The following CPED1 variants were observed in gnomAD, a reference collection of about 807,000 sequenced individuals.
CPED1 encodes the protein cadherin like and PC-esterase domain containing 1.
A neutral mutation model predicts 128.2 loss-of-function variants in CPED1; 114 were observed. The observed-to-expected ratio is 0.89, with a 90% CI of 0.76 to 1.04. CPED1 has a LOEUF of 1.04. Ranked by LOEUF, CPED1 falls within the 50% of genes least tolerant of loss-of-function variation. The pLI, the probability that CPED1 is intolerant of heterozygous loss-of-function variation, is 0.00. For missense variants in CPED1, 1,211 were observed against 1,207.1 expected, an observed-to-expected ratio of 1.00 and a Z score of -0.05; for synonymous variants, 462 against 426.7, an observed-to-expected ratio of 1.08 and a Z score of -1.02.
rs138361335 is a variant in CPED1, at chr7:121,170,480, T to G, written c.2055+28339T>G. Among the ~76,000 whole-genome samples, 1,403 of 152,230 alleles carry G rather than the reference T, an allele frequency of 9.2e-3. 62 individuals are homozygous for G. Among genetic ancestry groups the G allele is most frequent in the Admixed American group, 0.082 (1,259 of 15,280 alleles). On this transcript the variant is annotated intron_variant, in intron 16 of 22. Coordinates refer to ENST00000310396, the MANE Select transcript of CPED1 (RefSeq NM_024913.5). ...TGTTAACTTAATAAATATAATTAAA[T>G]GAACTTACTAGTAATAGACAGAAAA...
chr7:121,007,530 A>T (rs1400126883), intron 2 of CPED1, among the ~76,000 whole-genome samples: 1 of 152,166 alleles, frequency 6.6e-6, no homozygotes, highest in South Asian at 2.1e-4. Context: ...TAAGGCAACT[A>T]AGGCATTACA....
At chr7:121,240,626 TGTG>T (rs937262912) in intron 17 of CPED1, among the ~76,000 whole-genome samples, 1 of 152,042 alleles carries the variant, frequency 6.6e-6, no homozygotes, top group African/African-American at 2.4e-5. Context: ...CTGATTATTT[TGTG>T]GTGACCTAGC....
chr7:121,034,111 A>G (rs1407282146), intron 3 of CPED1, among the ~76,000 whole-genome samples: 3 of 152,196 alleles, frequency 2.0e-5, no homozygotes, highest in East Asian at 3.8e-4. Flanking sequence ...AGAATTTGGC[A>G]TAAGGAATGT....
At chr7:121,234,570 A>G (rs1798211762) in intron 16 of CPED1, among the ~76,000 whole-genome samples, 1 of 151,984 alleles carries the variant, frequency 6.6e-6, no homozygotes, top group Non-Finnish European at 1.5e-5. Flanking sequence ...TCAAACTAAG[A>G]TTGAGTTTCA....
intron 7 of CPED1, among the ~76,000 whole-genome samples, chr7:121,119,316 G>A (rs1390270932): frequency 1.3e-5 from 2 of 149,534 alleles, no homozygotes; most frequent in Non-Finnish European, 1.5e-5. Context: ...TGCAAGCTCC[G>A]CCTCCCGGGT....
At chr7:121,100,493 G>T (rs1584511788) in intron 7 of CPED1, among the ~76,000 whole-genome samples, 2 of 152,260 alleles carry the variant, frequency 1.3e-5, no homozygotes, top group East Asian at 3.9e-4. Flanking sequence ...CATAATGCTA[G>T]TTCATCACAC....
chr7:121,167,725 ATTTTT>A (rs10588976), intron 16 of CPED1, among the ~76,000 whole-genome samples: 1 of 99,242 alleles, frequency 1.0e-5, no homozygotes, highest in Admixed American at 1.1e-4. Flanking sequence ...TTTAAAGTCT[ATTTTT>A]TTTTTTTTTT....
chr7:121,099,013 GT>G (rs936342027), intron 6 of CPED1, among the ~76,000 whole-genome samples: 1 of 150,450 alleles, frequency 6.6e-6, no homozygotes, highest in Non-Finnish European at 1.5e-5. Context: ...AGCCTGAGGT[GT>G]TTTTTTAATT....
intron 4 of CPED1, among the ~76,000 whole-genome samples, chr7:121,062,073 A>G (rs1793685680): frequency 6.6e-6 from 1 of 152,192 alleles, no homozygotes; most frequent in Non-Finnish European, 1.5e-5. Flanking sequence ...GGGGACAGGA[A>G]AATAGAAGGC....
At chr7:121,112,275 C>T (rs1795130622) in intron 7 of CPED1, among the ~76,000 whole-genome samples, 1 of 152,110 alleles carries the variant, frequency 6.6e-6, no homozygotes, top group Non-Finnish European at 1.5e-5. Context: ...AGGGCCTTGG[C>T]AGGTGTAATT....
intron 5 of CPED1, among the ~76,000 whole-genome samples, chr7:121,089,389 A>G (rs1300516682): frequency 6.6e-6 from 1 of 152,194 alleles, no homozygotes; most frequent in Non-Finnish European, 1.5e-5. Context: ...TAACAGGAAT[A>G]TTGTGTACAT....
intron 16 of CPED1, among the ~76,000 whole-genome samples, chr7:121,172,187 A>C (rs1194803085): frequency 4.6e-5 from 7 of 152,138 alleles, no homozygotes; most frequent in African/African-American, 1.4e-4. Flanking sequence ...ACCCCGGGAA[A>C]GGTTGTGCTG....
chr7:121,077,829 T>C (rs73221278), intron 5 of CPED1, among the ~76,000 whole-genome samples: 11,969 of 151,940 alleles, frequency 0.079, 732 homozygotes, highest in African/African-American at 0.17. Flanking sequence ...TTATTTATGG[T>C]ATTTCTAGGC....
At chr7:121,237,056 AT>A (rs978183607) in intron 17 of CPED1, among the ~76,000 whole-genome samples, 1 of 152,134 alleles carries the variant, frequency 6.6e-6, no homozygotes, top group African/African-American at 2.4e-5. Flanking sequence ...ATCCATATTC[AT>A]CTGCAGATAT....
At chr7:121,147,140 C>CTA (rs1182289240) in intron 16 of CPED1, among the ~76,000 whole-genome samples, 1 of 152,098 alleles carries the variant, frequency 6.6e-6, no homozygotes, top group East Asian at 1.9e-4. Context: ...TTCTACTGTC[C>CTA]TATGTGTTTA....
chr7:121,294,224 A>G (rs914872840), intron 22 of CPED1, among the ~76,000 whole-genome samples: 14 of 152,216 alleles, frequency 9.2e-5, no homozygotes, highest in African/African-American at 2.4e-4. Context: ...GTGTCTGTAT[A>G]TATATATTCA....
At chr7:121,191,174 T>A (rs1195075025) in intron 16 of CPED1, among the ~76,000 whole-genome samples, 1 of 152,136 alleles carries the variant, frequency 6.6e-6, no homozygotes, top group African/African-American at 2.4e-5. Flanking sequence ...GATTCATGCT[T>A]TTTGCCACCT....
At chr7:121,054,541 C>A (rs1793444034) in intron 4 of CPED1, among the ~76,000 whole-genome samples, 1 of 152,100 alleles carries the variant, frequency 6.6e-6, no homozygotes, top group Non-Finnish European at 1.5e-5. Context: ...GAAGGTAGGG[C>A]ATATCTTTTC....
At chr7:120,995,971 T>TCC (rs1305601132) in intron 2 of CPED1, among the ~76,000 whole-genome samples, 9 of 122,352 alleles carry the variant, frequency 7.4e-5, no homozygotes, top group Admixed American at 1.5e-4. Flanking sequence ...CTCCTCCTCC[T>TCC]TCTTCTTCTT....
Sources: allele counts gnomAD v4.1 joint callset (sites outside exome capture counted in the v4.1 genomes callset), GRCh38; gene constraint gnomAD v4.1.1; transcripts MANE v1.5; gene names NCBI Gene and HGNC (gene_info 2026-07-23, HGNC 2026-07-21).